The following WDR59 variants were observed in gnomAD, a reference collection of about 807,000 sequenced individuals.
The protein encoded by WDR59 is WD repeat domain 59, also known as GATOR2 complex protein WDR59.
WDR59 carries 100 observed loss-of-function variants against 131.2 expected under a neutral mutation model. That is an observed-to-expected ratio of 0.76 (90% CI 0.65 to 0.90). The LOEUF (loss-of-function observed/expected upper bound fraction) is 0.90, where lower values mean the gene tolerates loss of function less well. WDR59 is among the 40% of genes least tolerant of loss of function. The pLI is 0.00. For synonymous variants in WDR59, 601 were observed against 466.2 expected, an observed-to-expected ratio of 1.29 and a Z score of -3.72; for missense variants, 1,203 against 1,262.2, an observed-to-expected ratio of 0.95 and a Z score of 0.71.
At position 74,887,420 on chromosome 16, in the gene WDR59, G is replaced by C. The variant is rs931586347; in HGVS notation, c.2419+263C>G. ...GAGAAAGGATAAGGGTTAGGTTTTG[G>C]GGGTGAACAGTGGGAAGTCCCATTG... On this transcript the variant is annotated intron_variant, in intron 23 of 25. Coordinates refer to ENST00000262144, the MANE Select transcript of WDR59 (RefSeq NM_030581.4). Among the ~76,000 whole-genome samples, 4 of 152,216 alleles carry C rather than the reference G, an allele frequency of 2.6e-5. No homozygotes were observed. In the East Asian group the frequency reaches 5.8e-4, roughly 22 times the overall value.
intron 25 of WDR59, among the ~76,000 whole-genome samples, chr16:74,878,107 G>A (rs1473083396): frequency 6.6e-6 from 1 of 152,190 alleles, no homozygotes; most frequent in Non-Finnish European, 1.5e-5. Flanking sequence ...GACTGGGAAT[G>A]TCTTGTATTC....
chr16:74,971,014 A>G (rs1567442196), intron 1 of WDR59, among the ~76,000 whole-genome samples: 1 of 151,732 alleles, frequency 6.6e-6, no homozygotes, highest in Non-Finnish European at 1.5e-5. Flanking sequence ...ACACCACTAC[A>G]CTCCTGGCTA....
intron 25 of WDR59, among the ~76,000 whole-genome samples, chr16:74,882,839 A>G (rs1406084793): frequency 6.7e-6 from 1 of 148,258 alleles, no homozygotes; most frequent in Non-Finnish European, 1.5e-5. Flanking sequence ...AAAAGAAAGA[A>G]AGAAAGAAAA....
At position 74,950,922 on chromosome 16, in the gene WDR59, A is replaced by C. The variant is rs190495837; in HGVS notation, c.326+536T>G. ...TGTAATCCCAACACTTTGGGAGGCC[A>C]AGGCAGGTGGGTCACTTCAAGTTAG... On this transcript the variant is annotated intron_variant, in intron 4 of 25. Transcript: ENST00000262144. Among the ~76,000 whole-genome samples, 221 of 151,926 alleles carry C rather than the reference A, an allele frequency of 1.5e-3. 1 individual carries two copies. The highest frequency in any genetic ancestry group is 2.5e-3 in the Non-Finnish European group (172 of 67,926).
Position 74,897,298 on chromosome 16 carries a change from C to T in WDR59, c.1867-3486G>A, listed in dbSNP as rs543188002. ...CAGACCAAGATGCTGCATTTCAGGC[C>T]GGGCACCTCACAGTGTTTAGGCTTT... On this transcript the variant is annotated intron_variant, in intron 18 of 25. Transcript: ENST00000262144. 1.2e-4 allele frequency among the ~76,000 whole-genome samples: 18 copies of T among 152,282 alleles called. No individual in the cohort carries two copies. The South Asian group carries it at 1.5e-3, about 12-fold the overall frequency.
chr16:74,912,170 A>AG (rs757398003), intron 14 of WDR59, 28 bp downstream of exon 14: 5 of 1,614,116 alleles, frequency 3.1e-6, no homozygotes, highest in Non-Finnish European at 4.2e-6. Context: ...CAGAACAGCA[A>AG]GGAGAATTTG....
At chr16:74,982,611 T>C (rs1451157099) in intron 1 of WDR59, among the ~76,000 whole-genome samples, 2 of 152,194 alleles carry the variant, frequency 1.3e-5, no homozygotes, top group African/African-American at 4.8e-5. Flanking sequence ...AGAGGCATGA[T>C]ACATGATTCT....
At chr16:74,921,798 A>C (rs1211088442) in intron 10 of WDR59, 149 bp downstream of exon 10, 2 of 909,154 alleles carry the variant, frequency 2.2e-6, no homozygotes, top group Non-Finnish European at 3.3e-6. Context: ...TTACTCACCT[A>C]TGACGAAAGG....
intron 9 of WDR59, among the ~76,000 whole-genome samples, chr16:74,922,802 A>G (rs754234886): frequency 6.6e-6 from 1 of 152,228 alleles, no homozygotes; most frequent in African/African-American, 2.4e-5. Flanking sequence ...TTAATCCAGA[A>G]AAGTATTTCA....
intron 25 of WDR59, among the ~76,000 whole-genome samples, chr16:74,878,442 C>G (rs536690566): frequency 1.3e-5 from 2 of 152,276 alleles, no homozygotes; most frequent in East Asian, 3.9e-4. Context: ...TCACCTGAGG[C>G]CAGGCGTTCG....
At chr16:74,981,484 T>G (rs1048754154) in intron 1 of WDR59, among the ~76,000 whole-genome samples, 2 of 148,642 alleles carry the variant, frequency 1.3e-5, no homozygotes, top group African/African-American at 5.0e-5. Flanking sequence ...CTTGATACCA[T>G]AAGGTTGAGG....
intron 11 of WDR59, 92 bp from the exon 12 acceptor site, chr16:74,916,351 G>T: frequency 6.6e-7 from 1 of 1,515,488 alleles, no homozygotes; most frequent in Non-Finnish European, 9.1e-7. Flanking sequence ...AAATGGGAAG[G>T]GCAAAGGATG....
rs1346618262 is a variant in WDR59 at position 74,964,379 on chromosome 16, C to A, written c.104+1394G>T. Reference sequence around the variant, plus strand: ...GGGCAACAAGAGCGAAACATCATCTCAAAAAAAAAAAAGAGCAGGGAGCTG... The same window carrying A: ...GGGCAACAAGAGCGAAACATCATCTAAAAAAAAAAAAAGAGCAGGGAGCTG... On this transcript the variant is annotated intron_variant, in intron 2 of 25. Coordinates refer to ENST00000262144, the MANE Select transcript of WDR59 (RefSeq NM_030581.4). 1.8e-4 allele frequency among the ~76,000 whole-genome samples: 26 copies of A among 141,942 alleles called. 1 individual carries two copies. The highest frequency in any genetic ancestry group is 4.1e-4 in the East Asian group (2 of 4,832). The allele number at this position is 141,942 out of a possible 152,430, so 93.1% of individuals were successfully genotyped here.
chr16:74,944,317 T>G (rs1038091722), intron 6 of WDR59, among the ~76,000 whole-genome samples: 6 of 151,884 alleles, frequency 4.0e-5, no homozygotes, highest in African/African-American at 1.5e-4. Flanking sequence ...AATACAAAAA[T>G]TAGCCAGGTG....
intron 25 of WDR59, among the ~76,000 whole-genome samples, chr16:74,879,118 C>T (rs1379062389): frequency 2.0e-5 from 3 of 152,044 alleles, no homozygotes; most frequent in Non-Finnish European, 2.9e-5. Context: ...TTTGTGAGGC[C>T]GAGGTGGGGG....
chr16:74,908,359 G>A (rs942927935), intron 17 of WDR59, among the ~76,000 whole-genome samples: 2 of 152,076 alleles, frequency 1.3e-5, no homozygotes, highest in African/African-American at 2.4e-5. Context: ...AGAGGCTGCT[G>A]TAAGCTATGA....
At chr16:74,883,020 C>CTTTTTTTT (rs948092826) in intron 25 of WDR59, among the ~76,000 whole-genome samples, 4 of 111,248 alleles carry the variant, frequency 3.6e-5, no homozygotes, top group East Asian at 2.5e-4. Context: ...TTGTTTTTTG[C>CTTTTTTTT]TTTTTTTTTT....
intron 2 of WDR59, among the ~76,000 whole-genome samples, chr16:74,958,742 G>C (rs930829916): frequency 2.0e-5 from 3 of 151,750 alleles, no homozygotes; most frequent in Admixed American, 6.6e-5. Context: ...ACAACAAGCA[G>C]AACAAAACTA....
rs371101845 is a variant in WDR59 at position 74,909,091 on chromosome 16, A to G, written c.1643-114T>C. ...CTCTGTACACCTGAGGGTAAGACAC[A>G]TTTTCATAAGCTGCAAGACTCCTGA... On this transcript the variant is annotated intron_variant, in intron 16 of 25. Transcript: ENST00000262144. The G allele has an allele frequency of 3.6e-5, 32 of 895,204 alleles. No homozygotes were observed. In the African/African-American group the frequency reaches 5.3e-4, roughly 15 times the overall value. The allele number at this position is 895,204 out of a possible 1,614,324, so 55.5% of individuals were successfully genotyped here. A position where few individuals can be genotyped will look rare whatever the true frequency, so the allele number is the denominator to read the frequency against.
Sources: gnomAD v4.1 joint callset for allele counts (sites outside exome capture counted in the v4.1 genomes callset) on GRCh38, gnomAD v4.1.1 for gene constraint, MANE v1.5 for transcripts, NCBI Gene and HGNC (gene_info 2026-07-23, HGNC 2026-07-21) for gene names.